Variants in LHFPL3 observed in about 807,000 individuals in gnomAD.
LHFPL3 encodes LHFPL tetraspan subfamily member 3 protein.
In LHFPL3, 5 loss-of-function variants were observed where a neutral mutation model predicts 19.3. The observed-to-expected ratio is 0.26, with a 90% CI of 0.14 to 0.54. The LOEUF is 0.54. Among genes scored for constraint, LHFPL3 ranks in the 20% least tolerant of loss-of-function variants. The pLI is 0.94. For synonymous variants in LHFPL3, 133 were observed against 126.2 expected (o/e 1.05, Z -0.36); for missense variants, 249 against 307.4 (o/e 0.81, Z 1.42).
chr7:104,650,075 T>G (rs1036066735), intron 1 of LHFPL3, among the ~76,000 whole-genome samples: 5 of 152,076 alleles, frequency 3.3e-5, no homozygotes, highest in South Asian at 4.1e-4. Flanking sequence ...ATTCAAGAAG[T>G]GAGGCCCAAT....
At chr7:104,636,287 T>C (rs1791728216) in intron 1 of LHFPL3, among the ~76,000 whole-genome samples, 1 of 152,134 alleles carries the variant, frequency 6.6e-6, no homozygotes. Context: ...TGGAAGTTAA[T>C]GCCAGAAGGA....
intron 2 of LHFPL3, among the ~76,000 whole-genome samples, chr7:104,747,723 A>T (rs1051043439): frequency 2.0e-5 from 3 of 152,166 alleles, no homozygotes; most frequent in African/African-American, 7.2e-5. Context: ...CAGCTAATGC[A>T]CACCCACTAA....
chr7:104,488,104 G>A lies in LHFPL3; in HGVS notation c.445+158880G>A, dbSNP rs146730178. Among the ~76,000 whole-genome samples the A allele has an allele frequency of 4.2e-3, 632 of 152,128 alleles. 4 individuals are homozygous for A. The highest frequency in any genetic ancestry group is 0.014 in the African/African-American group (578 of 41,498). Reference sequence around the variant, plus strand: ...CTCTACTGGCAATGGGACTCTTAACGTCAGAAAATGTATTTTTTGTCATTT... The same window carrying A: ...CTCTACTGGCAATGGGACTCTTAACATCAGAAAATGTATTTTTTGTCATTT... On this transcript the variant is annotated intron_variant, in intron 1 of 2. Coordinates refer to ENST00000424859, the MANE Select transcript of LHFPL3 (RefSeq NM_199000.3).
intron 2 of LHFPL3, among the ~76,000 whole-genome samples, chr7:104,878,858 C>T (rs1791995181): frequency 6.6e-6 from 1 of 152,172 alleles, no homozygotes; most frequent in South Asian, 2.1e-4. Flanking sequence ...GAAAGTGAAA[C>T]AGCCTTTAAG....
At chr7:104,435,757 G>C (rs919362084) in intron 1 of LHFPL3, among the ~76,000 whole-genome samples, 5 of 151,542 alleles carry the variant, frequency 3.3e-5, no homozygotes, top group Non-Finnish European at 7.4e-5. Context: ...TCCTGTCTAA[G>C]TGTACATTTC....
chr7:104,331,593 A>T (rs905679020), intron 1 of LHFPL3, among the ~76,000 whole-genome samples: 1 of 152,168 alleles, frequency 6.6e-6, no homozygotes. Context: ...GGATTTTTCT[A>T]AAAAAATTAA....
chr7:104,855,191 G>A lies in LHFPL3; in HGVS notation c.683-50996G>A, dbSNP rs371680461. Reference sequence around the variant, plus strand: ...TTAGTGAGGAGGGGAGAGCGATACCGTGAGACACCGTGTCATGATGGAACA... The same window carrying A: ...TTAGTGAGGAGGGGAGAGCGATACCATGAGACACCGTGTCATGATGGAACA... On this transcript the variant is annotated intron_variant, in intron 2 of 2. Transcript: ENST00000424859. Among the ~76,000 whole-genome samples, 9 of 152,312 alleles carry A rather than the reference G, an allele frequency of 5.9e-5. No homozygotes were observed. In the South Asian group the frequency reaches 1.7e-3, roughly 28 times the overall value.
intron 1 of LHFPL3, among the ~76,000 whole-genome samples, chr7:104,469,021 A>T (rs1323665204): frequency 2.0e-5 from 3 of 152,006 alleles, no homozygotes; most frequent in African/African-American, 7.3e-5. Context: ...GCTTTGATTC[A>T]CTCAGCTCTG....
intron 1 of LHFPL3, among the ~76,000 whole-genome samples, chr7:104,456,935 G>A (rs78590898): frequency 0.067 from 10,220 of 152,190 alleles, 451 homozygotes; most frequent in East Asian, 0.21. Flanking sequence ...TTGGACCGTA[G>A]TTGACTGCAG....
chr7:104,678,680 T>C (rs1350066280), intron 1 of LHFPL3, among the ~76,000 whole-genome samples: 1 of 152,172 alleles, frequency 6.6e-6, no homozygotes, highest in Admixed American at 6.5e-5. Context: ...TTTAAAATAA[T>C]GAAATAATGG....
At chr7:104,557,187 G>A (rs182209529) in intron 1 of LHFPL3, among the ~76,000 whole-genome samples, 1 of 152,144 alleles carries the variant, frequency 6.6e-6, no homozygotes, top group East Asian at 1.9e-4. Flanking sequence ...CACATTTTCA[G>A]GTATCTTTTC....
At chr7:104,634,190 A>C (rs1364559307) in intron 1 of LHFPL3, among the ~76,000 whole-genome samples, 1 of 152,208 alleles carries the variant, frequency 6.6e-6, no homozygotes, top group Non-Finnish European at 1.5e-5. Context: ...TCATTTAACT[A>C]GCTCAGGCTG....
chr7:104,430,392 A>T (rs868059782), intron 1 of LHFPL3, among the ~76,000 whole-genome samples: 2 of 56,564 alleles, frequency 3.5e-5, no homozygotes, highest in African/African-American at 1.0e-4. Flanking sequence ...ACATATATAT[A>T]TATATATATA....
intron 2 of LHFPL3, among the ~76,000 whole-genome samples, chr7:104,835,871 G>A (rs1791084579): frequency 6.6e-6 from 1 of 151,838 alleles, no homozygotes. Context: ...CTGTCACCAA[G>A]GTTTTAAGCC....
chr7:104,869,925 G>A (rs991704428), intron 2 of LHFPL3, among the ~76,000 whole-genome samples: 35 of 152,152 alleles, frequency 2.3e-4, no homozygotes, highest in Non-Finnish European at 4.6e-4. Flanking sequence ...AAAATGATGA[G>A]TTCATGTCCT....
At chr7:104,363,516 G>A (rs1790429354) in intron 1 of LHFPL3, among the ~76,000 whole-genome samples, 1 of 152,224 alleles carries the variant, frequency 6.6e-6, no homozygotes, top group Non-Finnish European at 1.5e-5. Flanking sequence ...CTGTGTTGGT[G>A]CAATCCTCAC....
chr7:104,376,121 TGTGGGG>T (rs1790709128), intron 1 of LHFPL3, among the ~76,000 whole-genome samples: 1 of 152,162 alleles, frequency 6.6e-6, no homozygotes, highest in Non-Finnish European at 1.5e-5. Context: ...TGATATTGGA[TGTGGGG>T]AAGAACATGA....
chr7:104,504,537 T>C (rs752619155), intron 1 of LHFPL3, among the ~76,000 whole-genome samples: 1 of 152,186 alleles, frequency 6.6e-6, no homozygotes, highest in Admixed American at 6.5e-5. Context: ...TTAAAAGCAA[T>C]AGCAATCCTC....
At chr7:104,561,036 G>C (rs1789985546) in intron 1 of LHFPL3, among the ~76,000 whole-genome samples, 1 of 151,610 alleles carries the variant, frequency 6.6e-6, no homozygotes, top group African/African-American at 2.4e-5. Context: ...ATTGCACTGT[G>C]GTCTGAGAGA....
Sources: gnomAD v4.1 joint callset for allele counts (sites outside exome capture counted in the v4.1 genomes callset) on GRCh38, gnomAD v4.1.1 for gene constraint, MANE v1.5 for transcripts, NCBI Gene and HGNC (gene_info 2026-07-23, HGNC 2026-07-21) for gene names.